SOX5: variants seen among roughly 807,000 people sequenced by gnomAD.
SOX5 encodes SRY-box transcription factor 5.
A neutral mutation model predicts 92.0 loss-of-function variants in SOX5; 9 were observed. The ratio of observed to expected loss-of-function variants is 0.10; its 90% CI spans 0.06 to 0.17. The LOEUF (loss-of-function observed/expected upper bound fraction) is 0.17. Among genes scored for constraint, SOX5 ranks in the 10% least tolerant of loss-of-function variants. SOX5 has a pLI of 1.00. For synonymous variants in SOX5, 344 were observed against 336.3 expected (o/e 1.02, Z -0.25); for missense variants, 642 against 944.5 (o/e 0.68, Z 4.20).
At chr12:23,680,325 C>CAAAAAAAAAAAAAAAA (rs57754255) in intron 6 of SOX5, among the ~76,000 whole-genome samples, 104 of 48,182 alleles carry the variant, frequency 2.2e-3, no homozygotes, top group Non-Finnish European at 2.5e-3. Context: ...GACCTTGTCT[C>CAAAAAAAAAAAAAAAA]AAAAAAAAAA....
At chr12:23,919,630 T>C (rs2097459762) in intron 1 of SOX5, among the ~76,000 whole-genome samples, 1 of 152,148 alleles carries the variant, frequency 6.6e-6, no homozygotes, top group Non-Finnish European at 1.5e-5. Flanking sequence ...CTATCTCTAC[T>C]TTACGGCCAA....
At chr12:24,217,724 A>G (rs1055650599) in intron 3 of SOX5, among the ~76,000 whole-genome samples, 6 of 152,194 alleles carry the variant, frequency 3.9e-5, no homozygotes, top group Non-Finnish European at 5.9e-5. Context: ...ATGGGAGAAA[A>G]TATTTGCAAA....
chr12:23,539,385 T>C (rs753951457), intron 13 of SOX5, among the ~76,000 whole-genome samples: 36 of 152,162 alleles, frequency 2.4e-4, no homozygotes, highest in Non-Finnish European at 1.3e-4. Flanking sequence ...AATATCTAAT[T>C]ACAAAATTTA....
intron 2 of SOX5, among the ~76,000 whole-genome samples, chr12:24,366,288 G>A (rs1295840289): frequency 6.6e-6 from 1 of 152,074 alleles, no homozygotes; most frequent in African/African-American, 2.4e-5. Context: ...CAAACCCAAT[G>A]CCTAGTCCAT....
At chr12:23,632,719 A>G (rs1195522546) in intron 8 of SOX5, among the ~76,000 whole-genome samples, 1 of 152,090 alleles carries the variant, frequency 6.6e-6, no homozygotes, top group African/African-American at 2.4e-5. Context: ...GCCATTTCCA[A>G]TATTACTTCG....
At chr12:24,084,734 T>C (rs966960979) in intron 4 of SOX5, among the ~76,000 whole-genome samples, 3 of 152,026 alleles carry the variant, frequency 2.0e-5, no homozygotes, top group Admixed American at 6.6e-5. Context: ...TCCCTCCCAT[T>C]TTATTCTAGA....
chr12:24,361,973 T>C (rs1337059423), intron 2 of SOX5, among the ~76,000 whole-genome samples: 5 of 152,228 alleles, frequency 3.3e-5, no homozygotes, highest in East Asian at 1.9e-4. Context: ...TTCCAGAAGA[T>C]GAACAGTGCC....
chr12:23,554,416 T>G (rs1944754263), intron 11 of SOX5, among the ~76,000 whole-genome samples: 2 of 152,142 alleles, frequency 1.3e-5, no homozygotes, highest in Non-Finnish European at 2.9e-5. Context: ...ACAGGCGAAT[T>G]GAACAGGAAC....
At chr12:23,953,855 C>T (rs1945956490), upstream of SOX5, among the ~76,000 whole-genome samples, 1 of 151,916 alleles carries the variant, frequency 6.6e-6, no homozygotes, top group South Asian at 2.1e-4. Flanking sequence ...GACACTGCCG[C>T]ATCGGTATAA....
intron 1 of SOX5, among the ~76,000 whole-genome samples, chr12:23,938,299 G>T (rs1942998538): frequency 1.3e-5 from 2 of 150,956 alleles, no homozygotes; most frequent in Admixed American, 6.6e-5. Context: ...AGAAATCTAT[G>T]TATTTCTTCA....
intron 2 of SOX5, among the ~76,000 whole-genome samples, chr12:23,881,957 T>C (rs1266924525): frequency 6.6e-6 from 1 of 152,190 alleles, no homozygotes; most frequent in Non-Finnish European, 1.5e-5. Context: ...GAAGAATTTA[T>C]ATGATAGGAA....
intron 2 of SOX5, among the ~76,000 whole-genome samples, chr12:23,889,347 A>G (rs950782647): frequency 1.3e-5 from 2 of 152,164 alleles, no homozygotes; most frequent in Non-Finnish European, 2.9e-5. Flanking sequence ...TCTGTGACTT[A>G]TTTTTAAGTA....
At chr12:23,966,767 T>TTC (rs1947633117) in intron 4 of SOX5, among the ~76,000 whole-genome samples, 1 of 152,186 alleles carries the variant, frequency 6.6e-6, no homozygotes, top group Non-Finnish European at 1.5e-5. Flanking sequence ...GGTATGAACA[T>TTC]TTAATATTAC....
intron 4 of SOX5, among the ~76,000 whole-genome samples, chr12:24,097,736 A>G (rs10771058): frequency 0.48 from 72,472 of 151,892 alleles, 17,905 homozygotes; most frequent in East Asian, 0.68. Flanking sequence ...TTCATAATAT[A>G]TATCACTACT....
intron 3 of SOX5, among the ~76,000 whole-genome samples, chr12:23,828,202 G>A (rs535967590): frequency 3.7e-4 from 57 of 152,238 alleles, no homozygotes; most frequent in Admixed American, 3.5e-3. Flanking sequence ...GCCTAGGGGC[G>A]ATAGGCTACA....
At chr12:23,662,012 A>G (rs531828936) in intron 7 of SOX5, among the ~76,000 whole-genome samples, 5 of 152,330 alleles carry the variant, frequency 3.3e-5, no homozygotes, top group Admixed American at 6.5e-5. Flanking sequence ...TTCAAAATAC[A>G]GATTATTCAA....
chr12:23,631,070 C>T (rs2078471235), intron 8 of SOX5, among the ~76,000 whole-genome samples: 1 of 152,048 alleles, frequency 6.6e-6, no homozygotes, highest in South Asian at 2.1e-4. Context: ...CAGTAGCATG[C>T]TTTGACTAAA....
At chr12:24,400,650 TA>T (rs1231892876) in intron 1 of SOX5, among the ~76,000 whole-genome samples, 1 of 152,180 alleles carries the variant, frequency 6.6e-6, no homozygotes, top group Non-Finnish European at 1.5e-5. Context: ...TCTCCTTATC[TA>T]AATAGACAAA....
At chr12:23,961,272 AT>A (rs1019013631) in intron 4 of SOX5, among the ~76,000 whole-genome samples, 22 of 152,158 alleles carry the variant, frequency 1.4e-4, no homozygotes, top group African/African-American at 3.4e-4. Context: ...ATACTCTATA[AT>A]TTTTTTAAAG....
Sources: allele counts gnomAD v4.1 joint callset (sites outside exome capture counted in the v4.1 genomes callset), GRCh38; gene constraint gnomAD v4.1.1; transcripts MANE v1.5; gene names NCBI Gene and HGNC (gene_info 2026-07-23, HGNC 2026-07-21).